The following RAD51B variants were observed in gnomAD, a reference collection of about 807,000 sequenced individuals.
RAD51B encodes the protein DNA repair protein RAD51 homolog 2.
RAD51B carries 38 observed loss-of-function variants against 42.2 expected under a neutral mutation model. The observed-to-expected ratio is 0.90, with a 90% CI of 0.70 to 1.18. The LOEUF is 1.18. Ranked by LOEUF, RAD51B falls within the 50% of genes most tolerant of loss-of-function variation. RAD51B has a pLI of 0.00. For missense variants in RAD51B, 373 were observed against 400.7 expected, an observed-to-expected ratio of 0.93 and a Z score of 0.59; for synonymous variants, 154 against 145.2, an observed-to-expected ratio of 1.06 and a Z score of -0.43.
chr14:68,535,638 G>A (rs1458612362), intron 10 of RAD51B, among the ~76,000 whole-genome samples: 1 of 152,176 alleles, frequency 6.6e-6, no homozygotes, highest in South Asian at 2.1e-4. Context: ...CCTCCGAAGT[G>A]CTAGGATTCT....
intron 7 of RAD51B, among the ~76,000 whole-genome samples, chr14:68,028,533 C>T (rs755719773): frequency 5.3e-5 from 8 of 152,194 alleles, no homozygotes; most frequent in Non-Finnish European, 1.2e-4. Context: ...TTGGCACTCC[C>T]GAGCTGTCCA....
At chr14:68,035,327 A>T (rs928233046) in intron 7 of RAD51B, among the ~76,000 whole-genome samples, 14 of 152,146 alleles carry the variant, frequency 9.2e-5, no homozygotes, top group African/African-American at 2.9e-4. Context: ...GTGAAAACAT[A>T]AACTGATAAA....
intron 7 of RAD51B, among the ~76,000 whole-genome samples, chr14:68,288,125 G>A (rs999043259): frequency 1.3e-5 from 2 of 152,168 alleles, no homozygotes; most frequent in African/African-American, 2.4e-5. Flanking sequence ...ACTGTGTTGA[G>A]TCTGTTTATA....
At chr14:68,340,711 A>C (rs1288689653) in intron 8 of RAD51B, among the ~76,000 whole-genome samples, 5 of 152,092 alleles carry the variant, frequency 3.3e-5, no homozygotes, top group African/African-American at 1.2e-4. Flanking sequence ...GCCTTTTGTC[A>C]GTTGATTTTC....
chr14:67,847,898 T>C (rs1045954982), intron 4 of RAD51B, among the ~76,000 whole-genome samples: 3 of 152,178 alleles, frequency 2.0e-5, no homozygotes, highest in African/African-American at 7.2e-5. Context: ...CCCCCCCCAT[T>C]TTTGTGTGGT....
intron 10 of RAD51B, chr14:68,468,732 C>A: frequency 6.6e-6 from 2 of 301,732 alleles, no homozygotes; most frequent in Non-Finnish European, 1.3e-5. Context: ...TATCTTGTTT[C>A]CTTTTCCTGT....
At chr14:67,848,980 A>T (rs10142687) in intron 4 of RAD51B, among the ~76,000 whole-genome samples, 52 of 152,130 alleles carry the variant, frequency 3.4e-4, no homozygotes, top group African/African-American at 1.2e-3. Context: ...CCTTCTGTCC[A>T]TGCATTACCA....
intron 7 of RAD51B, among the ~76,000 whole-genome samples, chr14:68,080,272 C>G (rs2076893682): frequency 6.6e-6 from 1 of 152,156 alleles, no homozygotes; most frequent in Admixed American, 6.5e-5. Context: ...CCAGATGTAT[C>G]AACTTAATCT....
At chr14:68,365,311 C>A (rs560169372) in intron 8 of RAD51B, among the ~76,000 whole-genome samples, 1 of 152,226 alleles carries the variant, frequency 6.6e-6, no homozygotes, top group South Asian at 2.1e-4. Context: ...GATCTCTACC[C>A]ACACCCTGGT....
chr14:67,989,857 T>C (rs1209495205), intron 7 of RAD51B, among the ~76,000 whole-genome samples: 2 of 152,032 alleles, frequency 1.3e-5, no homozygotes, highest in East Asian at 3.9e-4. Flanking sequence ...CCTGGATTTT[T>C]CCCAATTTAG....
At chr14:68,599,894 C>G (rs1298915595), downstream of RAD51B, among the ~76,000 whole-genome samples, 1 of 152,212 alleles carries the variant, frequency 6.6e-6, no homozygotes. Context: ...TTAGGCTTCA[C>G]TTGCAGGTCC....
chr14:67,830,778 C>A (rs939896338), intron 3 of RAD51B, among the ~76,000 whole-genome samples: 55 of 152,096 alleles, frequency 3.6e-4, no homozygotes, highest in Non-Finnish European at 1.3e-4. Context: ...AGAGATGATT[C>A]TCTGACTTTT....
chr14:68,014,576 T>A (rs1266302727), intron 7 of RAD51B, among the ~76,000 whole-genome samples: 1 of 152,086 alleles, frequency 6.6e-6, no homozygotes, highest in Non-Finnish European at 1.5e-5. Context: ...TCTTTCTAAT[T>A]GGCAAATTTT....
chr14:68,087,743 A>G (rs1218092456), intron 7 of RAD51B, among the ~76,000 whole-genome samples: 1 of 149,740 alleles, frequency 6.7e-6, no homozygotes, highest in African/African-American at 2.5e-5. Flanking sequence ...GTACCATTAC[A>G]TTGTTGATAT....
chr14:68,169,356 TG>T (rs975928195), intron 7 of RAD51B, among the ~76,000 whole-genome samples: 28 of 152,152 alleles, frequency 1.8e-4, no homozygotes, highest in Admixed American at 1.8e-3. Context: ...TCAAATTTTC[TG>T]CTCCTAAAGC....
intron 9 of RAD51B, among the ~76,000 whole-genome samples, chr14:68,423,954 G>A (rs2084773351): frequency 6.6e-6 from 1 of 152,200 alleles, no homozygotes. Flanking sequence ...CTTCTTCTCT[G>A]TTCCAAGTAC....
At chr14:68,067,477 C>CAAA (rs79038337) in intron 7 of RAD51B, among the ~76,000 whole-genome samples, 3 of 101,798 alleles carry the variant, frequency 2.9e-5, no homozygotes, top group African/African-American at 1.0e-4. Context: ...AAAAAAAAAA[C>CAAA]AAAAAAAAAA....
At chr14:67,851,589 G>A (rs567893760) in intron 4 of RAD51B, among the ~76,000 whole-genome samples, 10 of 152,076 alleles carry the variant, frequency 6.6e-5, no homozygotes, top group Non-Finnish European at 1.2e-4. Context: ...TCCCCAGCCT[G>A]GGGGCAGCAG....
chr14:68,086,776 T>A (rs761064352), intron 7 of RAD51B, among the ~76,000 whole-genome samples: 1 of 152,092 alleles, frequency 6.6e-6, no homozygotes, highest in African/African-American at 2.4e-5. Flanking sequence ...TAATTTCTAA[T>A]ATTGGGGGCT....
Sources: gnomAD v4.1 joint callset for allele counts (sites outside exome capture counted in the v4.1 genomes callset) on GRCh38, gnomAD v4.1.1 for gene constraint, MANE v1.5 for transcripts, NCBI Gene and HGNC (gene_info 2026-07-23, HGNC 2026-07-21) for gene names.